PRKCE: variants seen among roughly 807,000 people sequenced by gnomAD.
The protein encoded by PRKCE is protein kinase C epsilon.
Under a neutral mutation model 85.4 loss-of-function variants are expected in PRKCE, and 16 were observed. The observed-to-expected ratio is 0.19, with a 90% CI of 0.13 to 0.28. PRKCE has a LOEUF of 0.28. PRKCE is among the 10% of genes least tolerant of loss of function. The probability of loss-of-function intolerance (pLI) is 1.00; values close to 1 mark genes in which losing one functional copy is unlikely to be tolerated. For synonymous variants in PRKCE, 388 were observed against 371.5 expected, an observed-to-expected ratio of 1.04 and a Z score of -0.51; for missense variants, 573 against 975.2, an observed-to-expected ratio of 0.59 and a Z score of 5.49.
At chr2:45,986,305 T>C (rs1703318853) in intron 6 of PRKCE, among the ~76,000 whole-genome samples, 1 of 152,146 alleles carries the variant, frequency 6.6e-6, no homozygotes, top group Non-Finnish European at 1.5e-5. Flanking sequence ...GCTAAAGTGC[T>C]AATAGAGGGA....
chr2:45,661,623 G>A (rs1004706645), intron 1 of PRKCE, among the ~76,000 whole-genome samples: 13 of 148,470 alleles, frequency 8.8e-5, no homozygotes, highest in African/African-American at 9.9e-5. Flanking sequence ...CCGCCTCCCG[G>A]GTTCACACCA....
intron 1 of PRKCE, among the ~76,000 whole-genome samples, chr2:45,789,433 C>T (rs953126244): frequency 1.3e-5 from 2 of 152,188 alleles, no homozygotes; most frequent in Admixed American, 1.3e-4. Flanking sequence ...GAGACCTTGG[C>T]TCTACAAAAA....
chr2:46,126,201 G>T (rs1275879371), intron 11 of PRKCE, among the ~76,000 whole-genome samples: 1 of 152,036 alleles, frequency 6.6e-6, no homozygotes, highest in Non-Finnish European at 1.5e-5. Context: ...GATCTCTCTG[G>T]GTCTCTTCTT....
chr2:46,147,837 G>T (rs1158492631), intron 12 of PRKCE, among the ~76,000 whole-genome samples: 1 of 152,164 alleles, frequency 6.6e-6, no homozygotes, highest in Non-Finnish European at 1.5e-5. Context: ...GTCCAGATTT[G>T]ACCACAAATG....
At chr2:45,715,043 C>T (rs1365151536) in intron 1 of PRKCE, among the ~76,000 whole-genome samples, 1 of 152,216 alleles carries the variant, frequency 6.6e-6, no homozygotes, top group Non-Finnish European at 1.5e-5. Flanking sequence ...GAGTTGTTCC[C>T]TGGCAGAAAA....
At chr2:45,717,390 A>G (rs2176348) in intron 1 of PRKCE, among the ~76,000 whole-genome samples, 50,892 of 152,094 alleles carry the variant, frequency 0.33, 8,818 homozygotes, top group East Asian at 0.43. Context: ...CTCCCTACCC[A>G]TCACCTATCT....
intron 1 of PRKCE, among the ~76,000 whole-genome samples, chr2:45,719,620 A>G (rs1333279759): frequency 6.6e-6 from 1 of 152,210 alleles, no homozygotes; most frequent in African/African-American, 2.4e-5. Flanking sequence ...GAGGTGTGGC[A>G]CATCTGAAAT....
At chr2:45,727,151 T>G (rs972602594) in intron 1 of PRKCE, among the ~76,000 whole-genome samples, 14 of 152,202 alleles carry the variant, frequency 9.2e-5, no homozygotes, top group African/African-American at 3.4e-4. Flanking sequence ...GGGGCAGAGT[T>G]AATCCTTGTT....
chr2:46,043,794 A>G (rs60378246), intron 10 of PRKCE, among the ~76,000 whole-genome samples: 1 of 152,248 alleles, frequency 6.6e-6, no homozygotes, highest in African/African-American at 2.4e-5. Context: ...TTCATCCATG[A>G]ATCATTATAA....
chr2:45,869,095 A>G (rs1314708647), intron 2 of PRKCE, among the ~76,000 whole-genome samples: 2 of 152,206 alleles, frequency 1.3e-5, no homozygotes, highest in Non-Finnish European at 2.9e-5. Flanking sequence ...TTGACTTTCT[A>G]GGTTCTTTGT....
intron 10 of PRKCE, among the ~76,000 whole-genome samples, chr2:46,051,308 G>A (rs1708844538): frequency 6.6e-6 from 1 of 152,188 alleles, no homozygotes; most frequent in African/African-American, 2.4e-5. Flanking sequence ...GCAAGAAGCT[G>A]TCCACATGCC....
intron 1 of PRKCE, among the ~76,000 whole-genome samples, chr2:45,671,579 T>G (rs1676161475): frequency 6.6e-6 from 1 of 152,158 alleles, no homozygotes; most frequent in Admixed American, 6.5e-5. Flanking sequence ...TCCATTCCCC[T>G]CTGCCTCCCC....
chr2:45,701,531 G>C (rs1278702023), intron 1 of PRKCE: 1 of 152,200 alleles, frequency 6.6e-6, no homozygotes, highest in African/African-American at 2.4e-5. Context: ...ACAGGTAAAT[G>C]ATAGATCTCC....
At chr2:46,098,737 A>G (rs1363596537) in intron 11 of PRKCE, among the ~76,000 whole-genome samples, 2 of 152,230 alleles carry the variant, frequency 1.3e-5, no homozygotes, top group African/African-American at 2.4e-5. Flanking sequence ...AGGCTTAGTC[A>G]TATGATTTTT....
chr2:45,957,789 G>A (rs1202041055), intron 2 of PRKCE, among the ~76,000 whole-genome samples: 1 of 152,106 alleles, frequency 6.6e-6, no homozygotes, highest in Non-Finnish European at 1.5e-5. Context: ...GCACACTCCT[G>A]TAGCCCCGCA....
At position 46,159,286 on chromosome 2, in the gene PRKCE, G is replaced by C. The variant is rs1164468237; in HGVS notation, c.1921-320G>C. Among the ~76,000 whole-genome samples the C allele has an allele frequency of 6.6e-6, 1 of 152,198 alleles. No homozygotes were observed. Among genetic ancestry groups the C allele is most frequent in the African/African-American group, 2.4e-5 (1 of 41,456 alleles). On this transcript the variant is annotated intron_variant, in intron 13 of 14. Transcript: ENST00000306156. The surrounding 1 kb of genome is among the most constrained non-coding windows in gnomAD (Gnocchi z 4.1). ...ATAATCCCAGCTTGGTCCCTTACTAGCTGGGTGACTTTGGCCAAATTAGCT... is the reference window on the plus strand; with the variant it reads ...ATAATCCCAGCTTGGTCCCTTACTACCTGGGTGACTTTGGCCAAATTAGCT...
At chr2:45,832,696 C>T (rs1690534102) in intron 1 of PRKCE, among the ~76,000 whole-genome samples, 1 of 152,192 alleles carries the variant, frequency 6.6e-6, no homozygotes, top group African/African-American at 2.4e-5. Flanking sequence ...AGAGCTCAGG[C>T]TGTCTGTGGG....
intron 1 of PRKCE, among the ~76,000 whole-genome samples, chr2:45,798,294 T>G (rs982495692): frequency 1.3e-5 from 2 of 152,218 alleles, no homozygotes; most frequent in African/African-American, 4.8e-5. Context: ...TAGGTTTTAT[T>G]ATGTCTATTT....
chr2:46,119,137 T>C (rs1673065961), intron 11 of PRKCE, among the ~76,000 whole-genome samples: 1 of 152,098 alleles, frequency 6.6e-6, no homozygotes, highest in South Asian at 2.1e-4. Context: ...ATTGGTCCTG[T>C]TTTTCTCTAG....
Sources: gnomAD v4.1 joint callset for allele counts (sites outside exome capture counted in the v4.1 genomes callset) on GRCh38, gnomAD v4.1.1 for gene constraint, Gnocchi (gnomAD v3.1) non-coding constraint, MANE v1.5 for transcripts, NCBI Gene and HGNC (gene_info 2026-07-23, HGNC 2026-07-21) for gene names.